The following FA2H variants were observed in gnomAD, a reference collection of about 807,000 sequenced individuals.
FA2H encodes fatty acid 2-hydroxylase.
FA2H carries 22 observed loss-of-function variants against 44.9 expected under a neutral mutation model. That is an observed-to-expected ratio of 0.49 (90% CI 0.35 to 0.70). The LOEUF (loss-of-function observed/expected upper bound fraction) is 0.70. Among genes scored for constraint, FA2H ranks in the 30% least tolerant of loss-of-function variants. FA2H has a pLI of 0.01. For synonymous variants in FA2H, 243 were observed against 213.2 expected (o/e 1.14, Z -1.22); for missense variants, 501 against 504.9 (o/e 0.99, Z 0.07).
intron 1 of FA2H, among the ~76,000 whole-genome samples, chr16:74,754,785 C>T (rs1720371564): frequency 6.6e-6 from 1 of 152,124 alleles, no homozygotes; most frequent in African/African-American, 2.4e-5. Flanking sequence ...GCCTCGGCCT[C>T]CCAAAGTGCT....
rs1298917121 is a variant in FA2H at position 74,713,676 on chromosome 16, C to G, written c.*514G>C. ...TGGACTGTGGGAGGCATCACGCTGT[C>G]TCTTCTTGCGAGAGCTCTTTGTCCA... On this transcript the variant is annotated 3_prime_UTR_variant, in exon 7 of 7. Coordinates refer to ENST00000219368, the MANE Select transcript of FA2H (RefSeq NM_024306.5). 6.4e-6 allele frequency: 1 copy of G among 157,422 alleles called. No homozygotes were observed. The highest frequency in any genetic ancestry group is 1.4e-5 in the Non-Finnish European group (1 of 70,696). 9.8% of individuals were successfully genotyped at this position (157,422 alleles called of 1,614,324 possible). A position where few individuals can be genotyped will look rare whatever the true frequency, so the allele number is the denominator to read the frequency against.
intron 2 of FA2H, among the ~76,000 whole-genome samples, chr16:74,734,224 CT>C (rs1017631244): frequency 1.3e-5 from 2 of 152,228 alleles, no homozygotes; most frequent in African/African-American, 4.8e-5. Flanking sequence ...TCCCAGGCAT[CT>C]GGGGGCTCCC....
chr16:74,739,578 G>A (rs570616065), intron 2 of FA2H, among the ~76,000 whole-genome samples: 53 of 152,284 alleles, frequency 3.5e-4, no homozygotes, highest in African/African-American at 1.1e-3. Flanking sequence ...TGGCTTCAGC[G>A]CTGTCTCCTG....
chr16:74,730,721 A>G (rs2144621837), intron 2 of FA2H, among the ~76,000 whole-genome samples: 1 of 152,326 alleles, frequency 6.6e-6, no homozygotes. Flanking sequence ...TGTCCCAGCT[A>G]CAGTAGCACT....
In FA2H at chr16:74,714,801, A is replaced by C. The variant is rs535954240; in HGVS notation, c.1040-532T>G. 2.8e-3 allele frequency among the ~76,000 whole-genome samples: 420 copies of C among 152,048 alleles called. 3 individuals carry two copies. Among genetic ancestry groups the C allele is most frequent in the Non-Finnish European group, 3.5e-3 (240 of 67,960 alleles). ...TTAATTCTGATGAATTAACATGTCA[A>C]TGTAAAAACTGATGCTTGATTGAGT... is the stretch of plus-strand genomic sequence containing the variant. On this transcript the variant is annotated intron_variant, in intron 6 of 6. Transcript: ENST00000219368.
chr16:74,738,784 G>T (rs1962233044), intron 2 of FA2H, among the ~76,000 whole-genome samples: 1 of 152,130 alleles, frequency 6.6e-6, no homozygotes, highest in Non-Finnish European at 1.5e-5. Context: ...CCCTGCCAGT[G>T]CCCAGGGCCC....
intron 1 of FA2H, among the ~76,000 whole-genome samples, chr16:74,745,189 G>A (rs1292090943): frequency 6.6e-6 from 1 of 152,178 alleles, no homozygotes; most frequent in Non-Finnish European, 1.5e-5. Flanking sequence ...TCAGCTCCAG[G>A]GCTGTTGAGT....
intron 1 of FA2H, among the ~76,000 whole-genome samples, chr16:74,760,243 C>T (rs1017713890): frequency 5.3e-5 from 8 of 152,140 alleles, no homozygotes; most frequent in African/African-American, 1.9e-4. Context: ...GGACACCAGG[C>T]CCCCGAGGGA....
intron 1 of FA2H, among the ~76,000 whole-genome samples, chr16:74,745,390 C>T (rs1157325526): frequency 6.6e-6 from 1 of 152,344 alleles, no homozygotes; most frequent in Non-Finnish European, 1.5e-5. Context: ...TGGCCTGGGT[C>T]GACTCTGAGA....
intron 1 of FA2H, among the ~76,000 whole-genome samples, chr16:74,752,685 A>G (rs1962548744): frequency 6.6e-6 from 1 of 152,150 alleles, no homozygotes; most frequent in South Asian, 2.1e-4. Context: ...GCACAGAGGA[A>G]ATATTAGCAT....
At chr16:74,769,430 A>T (rs187860801) in intron 1 of FA2H, among the ~76,000 whole-genome samples, 1 of 152,214 alleles carries the variant, frequency 6.6e-6, no homozygotes, top group East Asian at 1.9e-4. Context: ...AAAAGCTTTG[A>T]TTTTACTGTT....
At chr16:74,736,187 C>T (rs1251331790) in intron 2 of FA2H, among the ~76,000 whole-genome samples, 2 of 152,132 alleles carry the variant, frequency 1.3e-5, no homozygotes, top group Admixed American at 6.5e-5. Flanking sequence ...TGAAGAGGGG[C>T]CAGGAGCTCT....
intron 1 of FA2H, among the ~76,000 whole-genome samples, chr16:74,759,875 G>A (rs1391832169): frequency 6.6e-6 from 1 of 152,152 alleles, no homozygotes; most frequent in Non-Finnish European, 1.5e-5. Context: ...GTGTCTGCTG[G>A]AGCACTGATG....
At chr16:74,734,223 T>A (rs1415293859) in intron 2 of FA2H, among the ~76,000 whole-genome samples, 1 of 152,154 alleles carries the variant, frequency 6.6e-6, no homozygotes, top group African/African-American at 2.4e-5. Flanking sequence ...TTCCCAGGCA[T>A]CTGGGGGCTC....
intron 1 of FA2H, among the ~76,000 whole-genome samples, chr16:74,764,567 C>G (rs1486882314): frequency 6.6e-6 from 1 of 152,054 alleles, no homozygotes; most frequent in Non-Finnish European, 1.5e-5. Context: ...GAGGCCTCCA[C>G]CCGAGGGTGC....
intron 2 of FA2H, among the ~76,000 whole-genome samples, chr16:74,729,212 G>A (rs149205069): frequency 6.6e-6 from 1 of 152,226 alleles, no homozygotes; most frequent in Non-Finnish European, 1.5e-5. Flanking sequence ...GTTTCACCAT[G>A]TTGGCTAAGA....
Position 74,774,667 on chromosome 16 carries a change from C to T in FA2H, c.89G>A (p.Gly30Glu). 7.0e-7 allele frequency: 1 copy of T among 1,432,748 alleles called. No individual in the cohort carries two copies. The highest frequency in any genetic ancestry group is 9.1e-7 in the Non-Finnish European group (1 of 1,096,318). The allele number at this position is 1,432,748 out of a possible 1,614,324, so 88.8% of individuals were successfully genotyped here. ...LAAGACWVRR[G>E]ARLYDLSSFV... ...GCTGGAGAGGTCGTAGAGGCGGGCC[C>T]CGCGGCGGACCCAGCACGCGCCGGC... The change falls in exon 1 of 7, where the codon GGG becomes GAG. Residue 30 changes from glycine to glutamate, a missense_variant. Physicochemically the swap from Gly to Glu is moderately conservative, Grantham distance 98. Coordinates refer to ENST00000219368, the MANE Select transcript of FA2H (RefSeq NM_024306.5).
intron 5 of FA2H, among the ~76,000 whole-genome samples, chr16:74,718,719 G>A (rs531448947): frequency 4.6e-4 from 70 of 152,340 alleles, no homozygotes; most frequent in Non-Finnish European, 8.8e-4. Context: ...ATGAACGAAT[G>A]AATGAGTTGT....
In FA2H at chr16:74,737,191, G is replaced by A. The variant is rs367841349; in HGVS notation, c.363+2832C>T. Among the ~76,000 whole-genome samples, 8 of 152,246 alleles carry A rather than the reference G, an allele frequency of 5.3e-5. No homozygotes were observed. In the East Asian group the frequency reaches 7.7e-4, roughly 15 times the overall value. ...GAGAGGGCTCCCAAGGGAGGGCTCC[G>A]AAAAGGACATGGCGAAGTGGCAAAA... On this transcript the variant is annotated intron_variant, in intron 2 of 6. Coordinates refer to ENST00000219368, the MANE Select transcript of FA2H (RefSeq NM_024306.5).
Sources: allele counts gnomAD v4.1 joint callset (sites outside exome capture counted in the v4.1 genomes callset), GRCh38; gene constraint gnomAD v4.1.1; transcripts MANE v1.5; gene names NCBI Gene and HGNC (gene_info 2026-07-23, HGNC 2026-07-21).